SLC39A11: variants seen among roughly 807,000 people sequenced by gnomAD.
SLC39A11 encodes solute carrier family 39 member 11, also known as zinc transporter ZIP11.
Under a neutral mutation model 36.1 loss-of-function variants are expected in SLC39A11, and 33 were observed. The ratio of observed to expected loss-of-function variants is 0.91; its 90% CI spans 0.69 to 1.22. The LOEUF is 1.22. Among genes scored for constraint, SLC39A11 ranks in the 50% most tolerant of loss-of-function variants. The pLI is 0.00. For missense variants in SLC39A11, 432 were observed against 430.3 expected (o/e 1.00, Z -0.03); for synonymous variants, 166 against 170.3 (o/e 0.97, Z 0.20).
chr17:72,825,063 C>T (rs1048501688), intron 6 of SLC39A11, among the ~76,000 whole-genome samples: 5 of 151,380 alleles, frequency 3.3e-5, no homozygotes, highest in African/African-American at 1.2e-4. Flanking sequence ...ATAGCCAAGA[C>T]AACAGGGAAA....
chr17:72,846,887 C>T (rs754201325), intron 6 of SLC39A11, among the ~76,000 whole-genome samples: 1 of 152,202 alleles, frequency 6.6e-6, no homozygotes, highest in Admixed American at 6.5e-5. Flanking sequence ...CAAGTAACCT[C>T]TCTTCTCTAA....
intron 5 of SLC39A11, among the ~76,000 whole-genome samples, chr17:72,916,374 C>G (rs1040902389): frequency 1.3e-5 from 2 of 149,344 alleles, no homozygotes; most frequent in Non-Finnish European, 3.0e-5. Context: ...GGCTCTTACA[C>G]GGTTCCTCCA....
intron 4 of SLC39A11, among the ~76,000 whole-genome samples, chr17:73,004,209 AAG>A (rs1491363896): frequency 7.7e-6 from 1 of 130,684 alleles, no homozygotes; most frequent in Non-Finnish European, 1.7e-5. Context: ...GAAAGAAAGA[AAG>A]AAAGAAAGAA....
intron 6 of SLC39A11, among the ~76,000 whole-genome samples, chr17:72,780,285 A>G (rs1251103826): frequency 2.6e-5 from 4 of 152,116 alleles, no homozygotes; most frequent in African/African-American, 9.7e-5. Flanking sequence ...CCCAAGGGAG[A>G]GCTGGTGTAA....
intron 5 of SLC39A11, among the ~76,000 whole-genome samples, chr17:72,898,349 C>A (rs1269446063): frequency 6.6e-6 from 1 of 152,190 alleles, no homozygotes. Context: ...GGCCTCCCGG[C>A]GCATCCACTC....
chr17:72,729,440 TATATATATATA>T (rs2074106427), intron 7 of SLC39A11, among the ~76,000 whole-genome samples: 3 of 5,312 alleles, frequency 5.6e-4, no homozygotes, highest in Admixed American at 2.1e-3. Context: ...TATATATATA[TATATATATATA>T]TATATATTTT....
intron 3 of SLC39A11, among the ~76,000 whole-genome samples, chr17:73,043,429 G>C (rs889197756): frequency 6.6e-6 from 1 of 152,194 alleles, no homozygotes; most frequent in Non-Finnish European, 1.5e-5. Context: ...AGCTACAGAT[G>C]TCAGCTCCCC....
intron 6 of SLC39A11, among the ~76,000 whole-genome samples, chr17:72,789,456 A>G (rs919754656): frequency 6.6e-6 from 1 of 152,218 alleles, no homozygotes; most frequent in African/African-American, 2.4e-5. Context: ...GGCACACGAA[A>G]TGAAGAATGG....
At chr17:72,876,815 C>T (rs2080923143) in intron 5 of SLC39A11, among the ~76,000 whole-genome samples, 1 of 152,308 alleles carries the variant, frequency 6.6e-6, no homozygotes, top group African/African-American at 2.4e-5. Flanking sequence ...AGCTGCAACA[C>T]CTGATTAAGG....
intron 4 of SLC39A11, among the ~76,000 whole-genome samples, chr17:72,951,514 C>G (rs2085865017): frequency 1.3e-5 from 2 of 152,118 alleles, no homozygotes; most frequent in African/African-American, 4.8e-5. Context: ...ACTGGCAATT[C>G]AAAAAAGCCA....
At chr17:72,766,639 G>A (rs1201423776) in intron 6 of SLC39A11, among the ~76,000 whole-genome samples, 1 of 152,192 alleles carries the variant, frequency 6.6e-6, no homozygotes, top group African/African-American at 2.4e-5. Context: ...TCAGATCGCA[G>A]TTTTCAATAT....
chr17:72,808,943 G>T (rs1337925267), intron 6 of SLC39A11, among the ~76,000 whole-genome samples: 2 of 152,152 alleles, frequency 1.3e-5, no homozygotes, highest in Non-Finnish European at 2.9e-5. Context: ...GCAGATTTGA[G>T]TAATAAACTG....
At position 73,004,219 on chromosome 17, in the gene SLC39A11, G is replaced by GAAAGA. The variant is rs1555674191; in HGVS notation, c.306+27332_306+27336dup. Among the ~76,000 whole-genome samples, 43 of 79,316 alleles carry GAAAGA rather than the reference G, an allele frequency of 5.4e-4. 4 individuals carry two copies. The highest frequency in any genetic ancestry group is 3.1e-3 in the African/African-American group (39 of 12,618). 52.0% of individuals were successfully genotyped at this position (79,316 alleles called of 152,430 possible). The stretch of plus-strand genomic sequence containing the variant: ...AGAAAGAAAGAAAGAAAGAAAGAAA[G>GAAAGA]AAAGAAAGAAAGAAAAGAAAGAAAG... On this transcript the variant is annotated intron_variant, in intron 4 of 9. Transcript: ENST00000255559.
Position 72,808,758 on chromosome 17 carries a change from A to C in SLC39A11, c.601+40876T>G, listed in dbSNP as rs1300441448. On this transcript the variant is annotated intron_variant, in intron 6 of 9. Coordinates refer to ENST00000255559, the MANE Select transcript of SLC39A11 (RefSeq NM_139177.4). ...CTGGCACCTGACTGACCCCACCTGG[A>C]TCTGTGATTCCTAAGCAATCCTGTC... is the stretch of plus-strand genomic sequence containing the variant. Among the ~76,000 whole-genome samples, 3 of 152,116 alleles carry C rather than the reference A, an allele frequency of 2.0e-5. No individual in the cohort carries two copies. The East Asian group carries it at 5.8e-4, about 29-fold the overall frequency.
At chr17:72,800,172 C>T (rs552502339) in intron 6 of SLC39A11, among the ~76,000 whole-genome samples, 68 of 152,192 alleles carry the variant, frequency 4.5e-4, no homozygotes, top group Middle Eastern at 6.8e-3. Flanking sequence ...AGTGAGAGGA[C>T]CTCCATCCCT....
chr17:73,003,432 A>T (rs1459744475), intron 4 of SLC39A11, among the ~76,000 whole-genome samples: 2 of 152,146 alleles, frequency 1.3e-5, no homozygotes, highest in Non-Finnish European at 2.9e-5. Context: ...TAGAACCCTC[A>T]CAAAGGCACT....
chr17:72,726,671 T>C (rs1049964131), intron 7 of SLC39A11, among the ~76,000 whole-genome samples: 3 of 152,198 alleles, frequency 2.0e-5, no homozygotes, highest in African/African-American at 7.2e-5. Context: ...AATATGCCAC[T>C]TTTCTTTCTA....
At chr17:72,831,008 T>C (rs970164139) in intron 6 of SLC39A11, among the ~76,000 whole-genome samples, 33 of 152,214 alleles carry the variant, frequency 2.2e-4, no homozygotes, top group African/African-American at 7.2e-4. Context: ...ACTTAGTGAT[T>C]TTTGTAGAAA....
At chr17:72,877,727 G>A (rs977413141) in intron 5 of SLC39A11, among the ~76,000 whole-genome samples, 3 of 152,158 alleles carry the variant, frequency 2.0e-5, no homozygotes, top group African/African-American at 7.2e-5. Context: ...TGGAGAGACC[G>A]GGGACAGCGT....
Sources: allele counts gnomAD v4.1 joint callset (sites outside exome capture counted in the v4.1 genomes callset), GRCh38; gene constraint gnomAD v4.1.1; transcripts MANE v1.5; gene names NCBI Gene and HGNC (gene_info 2026-07-23, HGNC 2026-07-21).